The following ZMYM6 variants were observed in gnomAD, a reference collection of about 807,000 sequenced individuals.
The protein encoded by ZMYM6 is zinc finger MYM-type containing 6.
In ZMYM6, 90 loss-of-function variants were observed where a neutral mutation model predicts 134.0. The observed-to-expected ratio is 0.67, with a 90% CI of 0.57 to 0.80. The LOEUF is 0.80. Among genes scored for constraint, ZMYM6 ranks in the 30% least tolerant of loss-of-function variants. ZMYM6 has a pLI of 0.00. For missense variants in ZMYM6, 1,362 were observed against 1,533.9 expected, an observed-to-expected ratio of 0.89 and a Z score of 1.87; for synonymous variants, 481 against 524.1, an observed-to-expected ratio of 0.92 and a Z score of 1.12.
At chr1:35,006,216 C>G (rs527965108) in intron 12 of ZMYM6, among the ~76,000 whole-genome samples, 29 of 152,284 alleles carry the variant, frequency 1.9e-4, no homozygotes, top group African/African-American at 6.5e-4. Flanking sequence ...CCATGTTTAC[C>G]AGTCTGGTCT....
chr1:34,988,053 C>T lies in ZMYM6; in HGVS notation c.3029G>A (p.Cys1010Tyr). 9 of 1,551,556 alleles carry T rather than the reference C, an allele frequency of 5.8e-6. No homozygotes were observed. Among genetic ancestry groups the T allele is most frequent in the Non-Finnish European group, 4.4e-6 (5 of 1,146,962 alleles). ...CACTAAACGTTCACGGTGAATAAAA[C>T]AATGTGTAAATGCCGCTGTATTCAT... ...VAMNTAAFTH[C>Y]FIHRERLVAE... Residue 1010 changes from cysteine (C) to tyrosine (Y), a missense_variant, in exon 16 of 16, where the codon TGT becomes TAT. Cys to Tyr is a radical substitution (Grantham distance 194). Around this residue, in one of 3 missense-constraint regions of ZMYM6, gnomAD observed 824 missense variants for 940.9 expected, o/e 0.88. Transcript: ENST00000357182.
intron 9 of ZMYM6, 77 bp from the exon 10 acceptor site, chr1:35,010,674 C>A: frequency 6.5e-7 from 1 of 1,544,256 alleles, no homozygotes; most frequent in Non-Finnish European, 8.7e-7. Flanking sequence ...CATGTCAAAG[C>A]AAATTGAGTG....
At chr1:35,015,649 G>A (rs972336628) in intron 4 of ZMYM6, among the ~76,000 whole-genome samples, 18 of 148,982 alleles carry the variant, frequency 1.2e-4, no homozygotes, top group Non-Finnish European at 2.1e-4. Flanking sequence ...ACTTGAACCC[G>A]GGAGGTGGAG....
At position 35,019,368 on chromosome 1, in the gene ZMYM6, C is replaced by A. The variant is rs1641262740; in HGVS notation, c.413G>T (p.Cys138Phe). 5 of 1,614,114 alleles carry A rather than the reference C, an allele frequency of 3.1e-6. No individual in the cohort carries two copies. The highest frequency in any genetic ancestry group is 4.2e-6 in the Non-Finnish European group (5 of 1,180,018). ...AATTTTATACTTCGAGCAGTTTGTGCAGGTTTTCTTGGGAGGAGGTGGCAG... is the reference window on the plus strand; with the variant it reads ...AATTTTATACTTCGAGCAGTTTGTGAAGGTTTTCTTGGGAGGAGGTGGCAG... ...ACLPPPPKKT[C>F]TNCSKDILNP... Residue 138 changes from cysteine (C) to phenylalanine (F), a missense_variant, in exon 4 of 16, where the codon TGC becomes TTC. Cys to Phe is a radical substitution (Grantham distance 205). Around this residue, in one of 3 missense-constraint regions of ZMYM6, gnomAD observed 503 missense variants for 520.8 expected, o/e 0.97. Transcript: ENST00000357182.
At chr1:35,023,708 G>A (rs1249805515) in intron 2 of ZMYM6, among the ~76,000 whole-genome samples, 5 of 146,534 alleles carry the variant, frequency 3.4e-5, no homozygotes, top group East Asian at 4.0e-4. Flanking sequence ...TACAAGCTCC[G>A]CCTCCCAGGT....
At chr1:35,001,780 T>C (rs1254607095) in intron 14 of ZMYM6, among the ~76,000 whole-genome samples, 1 of 152,146 alleles carries the variant, frequency 6.6e-6, no homozygotes, top group African/African-American at 2.4e-5. Context: ...AAGGAGAAAT[T>C]ACTATCATCT....
intron 15 of ZMYM6, among the ~76,000 whole-genome samples, chr1:34,990,723 C>T (rs187978042): frequency 1.3e-4 from 20 of 151,428 alleles, no homozygotes; most frequent in Admixed American, 1.1e-3. Context: ...CATGTACCCC[C>T]GAATAAAATA....
chr1:35,022,293 C>A (rs1370572283), intron 2 of ZMYM6, among the ~76,000 whole-genome samples: 1 of 151,822 alleles, frequency 6.6e-6, no homozygotes, highest in Non-Finnish European at 1.5e-5. Context: ...CTTTTTGAGA[C>A]GGAGTCTCGC....
intron 3 of ZMYM6, 125 bp downstream of exon 3, chr1:35,020,258 C>CA: frequency 1.3e-6 from 1 of 777,964 alleles, no homozygotes; most frequent in Non-Finnish European, 2.0e-6. Context: ...ACCAGCTACT[C>CA]ACAGTTTGAA....
chr1:35,001,087 A>G (rs962956428), intron 14 of ZMYM6, among the ~76,000 whole-genome samples: 3 of 152,194 alleles, frequency 2.0e-5, no homozygotes, highest in African/African-American at 7.2e-5. Context: ...GAGCCTGCAA[A>G]GTTTAAAATA....
chr1:35,016,486 T>C (rs890793001), intron 4 of ZMYM6, among the ~76,000 whole-genome samples: 1 of 152,166 alleles, frequency 6.6e-6, no homozygotes, highest in African/African-American at 2.4e-5. Flanking sequence ...AGCAATACCC[T>C]GGTAAAACAG....
At chr1:35,005,838 C>T (rs1386542449) in intron 12 of ZMYM6, among the ~76,000 whole-genome samples, 1 of 152,130 alleles carries the variant, frequency 6.6e-6, no homozygotes. Flanking sequence ...CTACTACCAG[C>T]CTGACTGGTT....
Position 35,007,057 on chromosome 1 carries a change from G to C in ZMYM6, c.1707C>G (p.Ser569Arg). 1 of 1,609,630 alleles carries C rather than the reference G, an allele frequency of 6.2e-7. No homozygotes were observed. Among genetic ancestry groups the C allele is most frequent in the Non-Finnish European group, 8.5e-7 (1 of 1,177,876 alleles). Residue 569 changes from serine to arginine, a missense_variant, in exon 12 of 16, where the codon AGC becomes AGG. Physicochemically the swap from Ser to Arg is moderately radical, Grantham distance 110. Coordinates refer to ENST00000357182, the MANE Select transcript of ZMYM6 (RefSeq NM_007167.4). ...TGTTGCCTCGCCACTTTATGGACTC[G>C]CTTAGTTTACCCTGTCGTTTACAAC... is the stretch of plus-strand genomic sequence containing the variant. ...CDGCKRQGKL[S>R]ESIKWRGNIK...
chr1:35,024,955 G>A (rs1247906813), intron 2 of ZMYM6, among the ~76,000 whole-genome samples: 3 of 151,624 alleles, frequency 2.0e-5, no homozygotes, highest in Non-Finnish European at 2.9e-5. Context: ...TGCAGCCTCC[G>A]CCTCCTGGGT....
chr1:35,004,347 C>T (rs1640928166), intron 13 of ZMYM6, among the ~76,000 whole-genome samples: 1 of 152,144 alleles, frequency 6.6e-6, no homozygotes, highest in Non-Finnish European at 1.5e-5. Flanking sequence ...AACAAATTAG[C>T]CCAGTGTGGT....
chr1:35,022,364 GGGTTCAAGT>G (rs1275295906), intron 2 of ZMYM6, among the ~76,000 whole-genome samples: 1 of 151,986 alleles, frequency 6.6e-6, no homozygotes, highest in Non-Finnish European at 1.5e-5. Context: ...TCTCCCTCCC[GGGTTCAAGT>G]GATCCTCAGC....
chr1:35,030,734 T>C, intron 1 of ZMYM6, 21 bp from the exon 2 acceptor site: 1 of 1,235,424 alleles, frequency 8.1e-7, no homozygotes, highest in South Asian at 1.3e-5. Flanking sequence ...TACTCAGGCT[T>C]ATTCTTTTTT....
chr1:35,010,534 C>T lies in ZMYM6; in HGVS notation c.1405G>A (p.Val469Met), dbSNP rs761165085. The change falls in exon 10 of 16, where the codon GTG becomes ATG. Residue 469 changes from valine to methionine, a missense_variant. Around this residue, in one of 3 missense-constraint regions of ZMYM6, gnomAD observed 35 missense variants for 72.2 expected, o/e 0.48. Transcript: ENST00000357182. ...AGTTTACAGTAGTCACACATTGCCA[C>T]AACTTTATTTTTCTTCTTGTATTCA... is the stretch of plus-strand genomic sequence containing the variant. Reference protein sequence around the residue: ...SDEYKKKNKVVAMCDYCKLQK... With the variant: ...SDEYKKKNKVMAMCDYCKLQK... The T allele has an allele frequency of 1.9e-6, 3 of 1,614,066 alleles. No homozygotes were observed. Among genetic ancestry groups the T allele is most frequent in the South Asian group, 2.2e-5 (2 of 91,048 alleles).
At chr1:35,003,879 A>G (rs953654717) in intron 14 of ZMYM6, 89 bp downstream of exon 14, 2 of 1,208,032 alleles carry the variant, frequency 1.7e-6, no homozygotes, top group East Asian at 2.4e-5. Flanking sequence ...AGCAAAAAGA[A>G]AAGTATTCAG....
Sources: gnomAD v4.1 joint callset for allele counts (sites outside exome capture counted in the v4.1 genomes callset) on GRCh38, gnomAD v4.1.1 for gene constraint, gnomAD v4.1.1 regional missense constraint, MANE v1.5 for transcripts, NCBI Gene and HGNC (gene_info 2026-07-23, HGNC 2026-07-21) for gene names.